The following RFFL variants were observed in gnomAD, a reference collection of about 807,000 sequenced individuals.
The protein encoded by RFFL is ring finger and FYVE like domain containing E3 ubiquitin protein ligase.
Under a neutral mutation model 40.4 loss-of-function variants are expected in RFFL, and 16 were observed. The ratio of observed to expected loss-of-function variants is 0.40; its 90% CI spans 0.27 to 0.60. RFFL has a LOEUF of 0.60. RFFL is among the 20% of genes least tolerant of loss of function. The pLI is 0.47. For synonymous variants in RFFL, 154 were observed against 167.9 expected (o/e 0.92, Z 0.64); for missense variants, 367 against 451.7 (o/e 0.81, Z 1.70).
chr17:35,014,414 A>G (rs2090960415), intron 6 of RFFL, among the ~76,000 whole-genome samples: 1 of 152,154 alleles, frequency 6.6e-6, no homozygotes, highest in African/African-American at 2.4e-5. Flanking sequence ...AAACACCAAG[A>G]TTTTAAAAAA....
chr17:35,044,520 G>T (rs570443252), intron 1 of RFFL, among the ~76,000 whole-genome samples: 1 of 152,310 alleles, frequency 6.6e-6, no homozygotes, highest in African/African-American at 2.4e-5. Flanking sequence ...GGAGGCTGAG[G>T]CAGGAGAATC....
At chr17:35,074,047 C>T (rs1315952572) in intron 1 of RFFL, 1 of 152,032 alleles carries the variant, frequency 6.6e-6, no homozygotes, top group Non-Finnish European at 1.5e-5. Flanking sequence ...TAAAACTATT[C>T]TTTTTTATTT....
intron 4 of RFFL, among the ~76,000 whole-genome samples, chr17:35,016,909 AAAT>A (rs1327137813): frequency 6.6e-6 from 1 of 152,118 alleles, no homozygotes; most frequent in African/African-American, 2.4e-5. Flanking sequence ...TGTTAATGCT[AAAT>A]AATATCCAGC....
chr17:35,076,880 A>G (rs112788573), intron 1 of RFFL: 1 of 247,992 alleles, frequency 4.0e-6, no homozygotes, highest in Admixed American at 3.9e-5. Flanking sequence ...GCTAAAAGAC[A>G]AACTACCACT....
intron 1 of RFFL, among the ~76,000 whole-genome samples, chr17:35,058,891 T>G (rs112168090): frequency 6.6e-6 from 1 of 152,086 alleles, no homozygotes; most frequent in Admixed American, 6.6e-5. Context: ...TGGGCTATAA[T>G]TGTGACTTAC....
upstream of RFFL, among the ~76,000 whole-genome samples, chr17:35,066,386 G>C: frequency 6.6e-6 from 1 of 152,080 alleles, no homozygotes; most frequent in East Asian, 1.9e-4. Flanking sequence ...CATTTCTCAG[G>C]ATTCTGTAGT....
intron 1 of RFFL, among the ~76,000 whole-genome samples, chr17:35,053,914 T>C (rs1478493271): frequency 6.6e-6 from 1 of 152,188 alleles, no homozygotes; most frequent in Non-Finnish European, 1.5e-5. Context: ...TGGCATTCCA[T>C]TCTGAGCTCA....
At chr17:35,070,510 A>G (rs539607834) in intron 1 of RFFL, among the ~76,000 whole-genome samples, 2 of 152,342 alleles carry the variant, frequency 1.3e-5, no homozygotes, top group South Asian at 4.1e-4. Context: ...GATAACATAA[A>G]CCAAAACAAT....
chr17:35,076,298 A>G (rs377383478), intron 1 of RFFL, among the ~76,000 whole-genome samples: 19 of 151,972 alleles, frequency 1.3e-4, no homozygotes, highest in East Asian at 3.9e-4. Context: ...CCCGGCCTCA[A>G]TTTACTCTTA....
chr17:35,042,803 G>A (rs182180798), intron 1 of RFFL, among the ~76,000 whole-genome samples: 511 of 125,592 alleles, frequency 4.1e-3, no homozygotes, highest in Non-Finnish European at 5.6e-3. Context: ...CCAGCCTGGC[G>A]ACAGAATGAG....
intron 1 of RFFL, among the ~76,000 whole-genome samples, chr17:35,088,579 A>G (rs967382036): frequency 6.6e-6 from 1 of 152,150 alleles, no homozygotes; most frequent in African/African-American, 2.4e-5. Context: ...AACAGAGGAC[A>G]ACTCCCAAGC....
intron 1 of RFFL, among the ~76,000 whole-genome samples, chr17:35,036,911 GAGT>G (rs1288954599): frequency 6.6e-6 from 1 of 152,192 alleles, no homozygotes; most frequent in African/African-American, 2.4e-5. Flanking sequence ...GGGGAGAGAG[GAGT>G]AGAAGGGCCA....
chr17:35,028,320 G>A (rs1437092102), intron 1 of RFFL, among the ~76,000 whole-genome samples: 1 of 152,000 alleles, frequency 6.6e-6, no homozygotes, highest in African/African-American at 2.4e-5. Context: ...TCCAGCCTGG[G>A]TGACAAAGTG....
At chr17:35,062,707 T>C (rs2091299728) in intron 1 of RFFL, among the ~76,000 whole-genome samples, 1 of 151,984 alleles carries the variant, frequency 6.6e-6, no homozygotes, top group African/African-American at 2.4e-5. Context: ...AGGTCTGAGG[T>C]GAAAGAGAAC....
At chr17:35,076,070 T>C (rs2091374716) in intron 1 of RFFL, among the ~76,000 whole-genome samples, 1 of 142,958 alleles carries the variant, frequency 7.0e-6, no homozygotes, top group African/African-American at 2.7e-5. Context: ...CTTGGCTCAC[T>C]GCAATCTCCA....
intron 1 of RFFL, among the ~76,000 whole-genome samples, chr17:35,044,814 CCCTTA>C (rs1428211105): frequency 6.6e-6 from 1 of 152,144 alleles, no homozygotes; most frequent in Non-Finnish European, 1.5e-5. Context: ...CACCTCACCT[CCCTTA>C]CATATCATTT....
chr17:35,056,144 A>T (rs994720630), intron 1 of RFFL, among the ~76,000 whole-genome samples: 11 of 152,032 alleles, frequency 7.2e-5, no homozygotes, highest in African/African-American at 2.7e-4. Flanking sequence ...CTTGCCACAC[A>T]TCAGACAGCA....
At position 35,009,661 on chromosome 17, in the gene RFFL, T is replaced by G. The variant is rs1018704431; in HGVS notation, c.*2307A>C. ...ACCTTCACCAAAAGGGGATAAAAGA[T>G]TTAAAGGCAAAATGAGTAAACAACC... On this transcript the variant is annotated 3_prime_UTR_variant, in exon 7 of 7. Transcript: ENST00000394597. 6.6e-6 allele frequency: 1 copy of G among 151,954 alleles called. No individual in the cohort carries two copies. Among genetic ancestry groups the G allele is most frequent in the African/African-American group, 2.4e-5 (1 of 41,352 alleles). The allele number at this position is 151,954 out of a possible 1,614,324, so 9.4% of individuals were successfully genotyped here.
chr17:35,079,088 G>A (rs1394455986), intron 1 of RFFL, among the ~76,000 whole-genome samples: 1 of 151,964 alleles, frequency 6.6e-6, no homozygotes, highest in Non-Finnish European at 1.5e-5. Flanking sequence ...ACGATATTCA[G>A]AACTCGAATA....
Sources: allele counts gnomAD v4.1 joint callset (sites outside exome capture counted in the v4.1 genomes callset), GRCh38; gene constraint gnomAD v4.1.1; transcripts MANE v1.5; gene names NCBI Gene and HGNC (gene_info 2026-07-23, HGNC 2026-07-21).